The following UPP1 variants were observed in gnomAD, a reference collection of about 807,000 sequenced individuals.
UPP1 encodes uridine phosphorylase 1.
A neutral mutation model predicts 29.6 loss-of-function variants in UPP1; 25 were observed. The observed-to-expected ratio is 0.85, with a 90% CI of 0.62 to 1.18. The LOEUF (loss-of-function observed/expected upper bound fraction) is 1.18. Among genes scored for constraint, UPP1 ranks in the 50% most tolerant of loss-of-function variants. The probability of loss-of-function intolerance (pLI) is 0.00; values close to 1 mark genes in which losing one functional copy is unlikely to be tolerated. For synonymous variants in UPP1, 165 were observed against 159.8 expected, an observed-to-expected ratio of 1.03 and a Z score of -0.25; for missense variants, 368 against 410.4, an observed-to-expected ratio of 0.90 and a Z score of 0.89.
chr7:48,101,941 C>G lies in UPP1; in HGVS notation c.280C>G (p.Arg94Gly). The G allele has an allele frequency of 6.2e-7, 1 of 1,613,892 alleles. No homozygotes were observed. Among genetic ancestry groups the G allele is most frequent in the Non-Finnish European group, 8.5e-7 (1 of 1,179,920 alleles). ...TCCCAACATCTGTGCGGGAACTGAC[C>G]GCTATGCCATGTATAAAGTAGGACC... ...DYPNICAGTD[R>G]YAMYKVGPVL... Residue 94 changes from arginine (R) to glycine (G), a missense_variant, in exon 5 of 9, where the codon CGC becomes GGC. By Grantham distance (125) the Arg-to-Gly change is moderately radical (BLOSUM62 -2). Transcript: ENST00000395564.
chr7:48,090,783 T>C (rs1485522140), intron 2 of UPP1, among the ~76,000 whole-genome samples: 1 of 152,186 alleles, frequency 6.6e-6, no homozygotes, highest in Admixed American at 6.5e-5. Context: ...CATTATTTCT[T>C]TTTTCAGAGG....
intron 6 of UPP1, chr7:48,106,642 C>T: frequency 2.0e-6 from 1 of 496,734 alleles, no homozygotes; most frequent in South Asian, 2.1e-5. Flanking sequence ...CTTTCTCTTC[C>T]ATAGTGTCCA....
intron 3 of UPP1, among the ~76,000 whole-genome samples, chr7:48,098,318 G>T (rs192234468): frequency 1.3e-5 from 2 of 152,290 alleles, no homozygotes; most frequent in South Asian, 2.1e-4. Flanking sequence ...TGTGTTTGGA[G>T]CCTGGGTGTC....
intron 2 of UPP1, among the ~76,000 whole-genome samples, chr7:48,094,101 A>C (rs1791994480): frequency 6.6e-6 from 1 of 152,088 alleles, no homozygotes; most frequent in South Asian, 2.1e-4. Context: ...CGGAGGTTGC[A>C]GTGAGCCGAG....
At chr7:48,106,428 A>G in intron 6 of UPP1, 1 of 174,792 alleles carries the variant, frequency 5.7e-6, no homozygotes, top group Admixed American at 5.4e-5. Flanking sequence ...CTCCCGCCTC[A>G]GTCTCCCAAG....
chr7:48,091,368 T>C (rs1791824836), intron 2 of UPP1, among the ~76,000 whole-genome samples: 1 of 151,668 alleles, frequency 6.6e-6, no homozygotes, highest in South Asian at 2.1e-4. Context: ...AGACTCTTCC[T>C]TGGGGAGCCA....
Position 48,096,050 on chromosome 7 carries a change from C to T in UPP1, c.44+1223C>T, listed in dbSNP as rs568695447. On this transcript the variant is annotated intron_variant, in intron 3 of 8. Transcript: ENST00000395564. ...GTTTCTGGAGCTCCCCTCCTTCCTC[C>T]TCCTGCCATGGCTTGAGGTTGAGGC... Among the ~76,000 whole-genome samples, 66 of 152,322 alleles carry T rather than the reference C, an allele frequency of 4.3e-4. No individual in the cohort carries two copies. The South Asian group carries it at 8.5e-3, about 20-fold the overall frequency.
intron 6 of UPP1, chr7:48,103,949 G>A: frequency 8.0e-7 from 1 of 1,252,208 alleles, no homozygotes. Flanking sequence ...GCCGGGCGCG[G>A]TGGCTCACAC....
chr7:48,106,715 CTG>C (rs1792764104), intron 6 of UPP1, 156 bp from the exon 7 acceptor site: 3 of 645,596 alleles, frequency 4.6e-6, no homozygotes, highest in East Asian at 2.8e-5. Flanking sequence ...AAATGGGTCA[CTG>C]TGTATTTGAG....
chr7:48,092,764 A>G (rs973651803), intron 2 of UPP1, among the ~76,000 whole-genome samples: 5 of 149,212 alleles, frequency 3.4e-5, no homozygotes, highest in African/African-American at 9.9e-5. Context: ...GTGCAGTGGC[A>G]TGATCTCGAC....
chr7:48,099,579 G>A, intron 3 of UPP1, 91 bp from the exon 4 acceptor site: 1 of 868,472 alleles, frequency 1.2e-6, no homozygotes, highest in East Asian at 2.5e-5. Flanking sequence ...CCCACCATGA[G>A]CCTCGTGTCT....
intron 3 of UPP1, among the ~76,000 whole-genome samples, chr7:48,098,688 A>C (rs1381177984): frequency 1.3e-5 from 2 of 152,198 alleles, no homozygotes; most frequent in Non-Finnish European, 2.9e-5. Flanking sequence ...AGGAGGAGAC[A>C]TGACCACGGG....
rs200426788 is a variant in UPP1 at position 48,101,875 on chromosome 7, G to A, written c.214G>A (p.Val72Ile). 4.2e-4 allele frequency: 676 copies of A among 1,614,070 alleles called. 2 individuals carry two copies. The highest frequency in any genetic ancestry group is 9.4e-5 in the Non-Finnish European group (111 of 1,180,010). ...PSRMKAFIRC[V>I]GAELGLDCPG... ...CCGGATGAAAGCCTTCATCAGGTGCGTTGGTGCAGAGCTGGGCCTTGACTG... is the reference window on the plus strand; with the variant it reads ...CCGGATGAAAGCCTTCATCAGGTGCATTGGTGCAGAGCTGGGCCTTGACTG... Residue 72 changes from valine (V) to isoleucine (I), a missense_variant, in exon 5 of 9, where the codon GTT (valine) becomes ATT (isoleucine). Transcript: ENST00000395564.
intron 2 of UPP1, among the ~76,000 whole-genome samples, chr7:48,091,288 GTT>G (rs34459058): frequency 1.2e-4 from 17 of 144,186 alleles, no homozygotes; most frequent in African/African-American, 1.8e-4. Flanking sequence ...AACATCTTCA[GTT>G]TTTTTTTTTT....
At chr7:48,101,192 AC>A (rs1397347305) in intron 4 of UPP1, among the ~76,000 whole-genome samples, 7 of 152,206 alleles carry the variant, frequency 4.6e-5, no homozygotes, top group Non-Finnish European at 1.0e-4. Flanking sequence ...GGTGTGAGCC[AC>A]TGTGCCCAGC....
chr7:48,097,041 G>A (rs994316879), intron 3 of UPP1, among the ~76,000 whole-genome samples: 3 of 152,120 alleles, frequency 2.0e-5, no homozygotes, highest in Non-Finnish European at 4.4e-5. Flanking sequence ...CATGGTAGAT[G>A]CTCAATGAAT....
At position 48,099,668 on chromosome 7, in the gene UPP1, A is replaced by G; in HGVS notation, c.45-2A>G. The G allele has an allele frequency of 6.2e-7, 1 of 1,602,144 alleles. No homozygotes were observed. Among genetic ancestry groups the G allele is most frequent in the South Asian group, 1.1e-5 (1 of 90,840 alleles). ...GCCTTCCACTTTCTTGTTTTTTAAC[A>G]GTGATTGCCCCGTCAGACTTTTAAA... On this transcript the variant is annotated splice_acceptor_variant, in intron 3 of 8. Transcript: ENST00000395564. LOFTEE classifies it high-confidence loss of function.
rs780885119 is a variant in UPP1, at chr7:48,106,871, A to T, written c.437-2A>T. The stretch of plus-strand genomic sequence containing the variant: ...TATCTTGATGTCTGCTTTTTTCCTC[A>T]GGTCTGGAGCCCGGCACTGTGGTCA... On this transcript the variant is annotated splice_acceptor_variant, in intron 6 of 8. Transcript: ENST00000395564. LOFTEE classifies it high-confidence loss of function. The T allele has an allele frequency of 6.2e-7, 1 of 1,613,140 alleles. No individual in the cohort carries two copies. The highest frequency in any genetic ancestry group is 1.1e-5 in the South Asian group (1 of 91,018).
chr7:48,097,870 A>G (rs1271851292), intron 3 of UPP1, among the ~76,000 whole-genome samples: 1 of 152,234 alleles, frequency 6.6e-6, no homozygotes, highest in Non-Finnish European at 1.5e-5. Context: ...GAAAAGTTCA[A>G]GGATGGTCCT....
Sources: gnomAD v4.1 joint callset for allele counts (sites outside exome capture counted in the v4.1 genomes callset) on GRCh38, gnomAD v4.1.1 for gene constraint, MANE v1.5 for transcripts, NCBI Gene and HGNC (gene_info 2026-07-23, HGNC 2026-07-21) for gene names.